The following B3GALT1 variants were observed in gnomAD, a reference collection of about 807,000 sequenced individuals.
B3GALT1 encodes the protein beta-1,3-galactosyltransferase 1.
A neutral mutation model predicts 23.2 loss-of-function variants in B3GALT1; 10 were observed. That is an observed-to-expected ratio of 0.43 (90% confidence interval 0.27 to 0.73). The LOEUF is 0.73. Ranked by LOEUF, B3GALT1 falls within the 30% of genes least tolerant of loss-of-function variation. B3GALT1 has a pLI of 0.21. For synonymous variants in B3GALT1, 156 were observed against 141.5 expected, an observed-to-expected ratio of 1.10 and a Z score of -0.73; for missense variants, 299 against 405.4, an observed-to-expected ratio of 0.74 and a Z score of 2.25.
intron 1 of B3GALT1, among the ~76,000 whole-genome samples, chr2:167,312,427 A>G (rs1696645705): frequency 6.6e-6 from 1 of 152,058 alleles, no homozygotes; most frequent in African/African-American, 2.4e-5. Context: ...TGCATGCTGC[A>G]ATTTTTAGAG....
intron 1 of B3GALT1, among the ~76,000 whole-genome samples, chr2:167,302,527 A>G (rs144266500): frequency 1.5e-3 from 223 of 152,288 alleles, no homozygotes; most frequent in African/African-American, 4.8e-3. Flanking sequence ...CATAGTTGGT[A>G]ACTTTTCAGG....
intron 2 of B3GALT1, among the ~76,000 whole-genome samples, chr2:167,576,742 G>T (rs888282473): frequency 6.6e-6 from 1 of 151,500 alleles, no homozygotes; most frequent in Non-Finnish European, 1.5e-5. Context: ...CTTTCTAAAG[G>T]TGTGTGGTCT....
chr2:167,355,850 A>G (rs1697392469), intron 1 of B3GALT1, among the ~76,000 whole-genome samples: 1 of 152,202 alleles, frequency 6.6e-6, no homozygotes, highest in Non-Finnish European at 1.5e-5. Flanking sequence ...TAGAAAAATT[A>G]ACATCTACAG....
rs564814224 is a variant in B3GALT1 at position 167,461,268 on chromosome 2, A to G, written c.-510-28909A>G. Reference sequence around the variant, plus strand: ...ATAGGGCTAGGTCTAGGGGTTGGGTAGCCAGTACTGTGCTAATAGCCAAAA... The same window carrying G: ...ATAGGGCTAGGTCTAGGGGTTGGGTGGCCAGTACTGTGCTAATAGCCAAAA... On this transcript the variant is annotated intron_variant, in intron 1 of 4. Coordinates refer to ENST00000392690, the MANE Select transcript of B3GALT1 (RefSeq NM_020981.4). Among the ~76,000 whole-genome samples the G allele has an allele frequency of 3.9e-5, 6 of 152,370 alleles. No homozygotes were observed. The East Asian group carries it at 1.2e-3, about 29-fold the overall frequency.
intron 1 of B3GALT1, among the ~76,000 whole-genome samples, chr2:167,341,928 T>C (rs968004225): frequency 6.6e-6 from 1 of 152,208 alleles, no homozygotes; most frequent in East Asian, 1.9e-4. Flanking sequence ...CTTATTACAT[T>C]CTTAGTGAAT....
chr2:167,835,935 T>C (rs1184511303), intron 4 of B3GALT1, among the ~76,000 whole-genome samples: 2 of 152,204 alleles, frequency 1.3e-5, no homozygotes, highest in African/African-American at 4.8e-5. Context: ...AGTGGACCTC[T>C]AGCAAACTCC....
intron 2 of B3GALT1, among the ~76,000 whole-genome samples, chr2:167,552,013 A>G (rs1683756547): frequency 6.6e-6 from 1 of 152,162 alleles, no homozygotes; most frequent in South Asian, 2.1e-4. Context: ...TTAACGACTT[A>G]TTGTAAGGAG....
chr2:167,685,760 G>A lies in B3GALT1; in HGVS notation c.-352+38794G>A, dbSNP rs189669343. On this transcript the variant is annotated intron_variant, in intron 3 of 4. Transcript: ENST00000392690. ...TGGAATACTATCAGAGAATTCTAAA[G>A]CAGTGTAGCCACGTGCTCAATGGCC... 1.6e-4 allele frequency among the ~76,000 whole-genome samples: 24 copies of A among 152,312 alleles called. No individual in the cohort carries two copies. The Middle Eastern group carries it at 0.014, about 86-fold the overall frequency.
chr2:167,812,996 A>AC (rs59345832), intron 3 of B3GALT1, among the ~76,000 whole-genome samples: 3,760 of 70,302 alleles, frequency 0.053, 175 homozygotes, highest in African/African-American at 0.14. Flanking sequence ...CACCACCCCC[A>AC]CCCCCCCCCA....
intron 1 of B3GALT1, among the ~76,000 whole-genome samples, chr2:167,466,581 C>G (rs1295826689): frequency 7.4e-6 from 1 of 134,894 alleles, no homozygotes; most frequent in Non-Finnish European, 1.6e-5. Flanking sequence ...GATCCCGCCA[C>G]TGCACTCCAG....
At chr2:167,340,540 C>T (rs761782730) in intron 1 of B3GALT1, among the ~76,000 whole-genome samples, 7 of 152,054 alleles carry the variant, frequency 4.6e-5, no homozygotes, top group East Asian at 1.9e-4. Flanking sequence ...ATATTTACAA[C>T]GATTTCCAAG....
intron 1 of B3GALT1, among the ~76,000 whole-genome samples, chr2:167,391,884 G>A (rs1407105771): frequency 3.3e-5 from 5 of 152,076 alleles, no homozygotes; most frequent in Admixed American, 3.3e-4. Context: ...AATACCCATT[G>A]TATTCTTAAA....
chr2:167,627,325 A>T (rs1003990189), intron 2 of B3GALT1, among the ~76,000 whole-genome samples: 1 of 151,662 alleles, frequency 6.6e-6, no homozygotes, highest in Non-Finnish European at 1.5e-5. Flanking sequence ...CAGTCTCAAC[A>T]CTTCTCCCCT....
At chr2:167,700,938 A>G (rs1686872641) in intron 3 of B3GALT1, among the ~76,000 whole-genome samples, 1 of 152,202 alleles carries the variant, frequency 6.6e-6, no homozygotes, top group Non-Finnish European at 1.5e-5. Context: ...AACAGATTGT[A>G]CTTTCTCAGA....
At chr2:167,324,178 T>C (rs976614947) in intron 1 of B3GALT1, among the ~76,000 whole-genome samples, 3 of 152,104 alleles carry the variant, frequency 2.0e-5, no homozygotes, top group Non-Finnish European at 4.4e-5. Context: ...CAAAATGCAA[T>C]TCAAGCTATC....
chr2:167,429,292 A>AT (rs1404365394), intron 1 of B3GALT1, among the ~76,000 whole-genome samples: 81 of 151,924 alleles, frequency 5.3e-4, no homozygotes, highest in African/African-American at 1.9e-3. Flanking sequence ...AAAAAAAAAA[A>AT]AAAAAAAATA....
chr2:167,503,220 C>G (rs1225449644), intron 2 of B3GALT1, among the ~76,000 whole-genome samples: 2 of 152,082 alleles, frequency 1.3e-5, no homozygotes, highest in Admixed American at 1.3e-4. Flanking sequence ...CAATCATGGA[C>G]TCACTCAACT....
rs574880218 is a variant in B3GALT1 at position 167,547,263 on chromosome 2, A to G, written c.-410+56986A>G. 2.6e-5 allele frequency among the ~76,000 whole-genome samples: 4 copies of G among 152,208 alleles called. No individual in the cohort carries two copies. In the South Asian group the frequency reaches 6.2e-4, roughly 24 times the overall value. ...CCCTCTTGGTCAGCCTGCCCGTTCA[A>G]TGTACATCTGCACATTAAAATATTT... On this transcript the variant is annotated intron_variant, in intron 2 of 4. Transcript: ENST00000392690.
At chr2:167,563,106 C>G (rs1045515071) in intron 2 of B3GALT1, among the ~76,000 whole-genome samples, 6 of 152,126 alleles carry the variant, frequency 3.9e-5, no homozygotes, top group African/African-American at 4.8e-5. Context: ...ACCTTTCCCC[C>G]CCTTCCATTC....
Sources: allele counts gnomAD v4.1 joint callset (sites outside exome capture counted in the v4.1 genomes callset), GRCh38; gene constraint gnomAD v4.1.1; transcripts MANE v1.5; gene names NCBI Gene and HGNC (gene_info 2026-07-23, HGNC 2026-07-21).